ERC1: variants seen among roughly 807,000 people sequenced by gnomAD.
ERC1 encodes the protein RAB6 interacting protein 2.
In ERC1, 56 loss-of-function variants were observed where a neutral mutation model predicts 132.0. The ratio of observed to expected loss-of-function variants is 0.42; its 90% CI spans 0.34 to 0.53. The LOEUF is 0.53. Ranked by LOEUF, ERC1 falls within the 20% of genes least tolerant of loss-of-function variation. ERC1 has a pLI of 0.03. For synonymous variants in ERC1, 478 were observed against 476.1 expected, an observed-to-expected ratio of 1.00 and a Z score of -0.05; for missense variants, 1,202 against 1,349.9, an observed-to-expected ratio of 0.89 and a Z score of 1.72.
At chr12:1,266,380 T>C (rs2077478705) in intron 14 of ERC1, among the ~76,000 whole-genome samples, 1 of 148,894 alleles carries the variant, frequency 6.7e-6, no homozygotes, top group South Asian at 2.1e-4. Flanking sequence ...ATTATTTTTA[T>C]CGTTTCCTGT....
chr12:1,292,055 T>A (rs2079489542), intron 15 of ERC1, among the ~76,000 whole-genome samples: 1 of 152,234 alleles, frequency 6.6e-6, no homozygotes, highest in African/African-American at 2.4e-5. Context: ...TAATAAATTT[T>A]AAGTATCAGT....
intron 14 of ERC1, among the ~76,000 whole-genome samples, chr12:1,287,840 T>G (rs1225094932): frequency 6.6e-6 from 1 of 152,224 alleles, no homozygotes; most frequent in Non-Finnish European, 1.5e-5. Context: ...TAAGTCTTTA[T>G]TTACACATAT....
chr12:1,454,359 A>C (rs1190058909), intron 18 of ERC1, among the ~76,000 whole-genome samples: 1 of 152,192 alleles, frequency 6.6e-6, no homozygotes, highest in Non-Finnish European at 1.5e-5. Context: ...CCCAAGTCCC[A>C]TAAGCCATTC....
At chr12:1,470,280 G>A (rs920218522) in intron 18 of ERC1, among the ~76,000 whole-genome samples, 1 of 152,000 alleles carries the variant, frequency 6.6e-6, no homozygotes, top group Admixed American at 6.6e-5. Flanking sequence ...TGTGGCTGGG[G>A]GGAAACTTCC....
At chr12:1,048,723 A>T (rs956338227) in intron 2 of ERC1, among the ~76,000 whole-genome samples, 1 of 152,204 alleles carries the variant, frequency 6.6e-6, no homozygotes, top group Non-Finnish European at 1.5e-5. Context: ...TACAAAATAG[A>T]TTTTTAAATC....
chr12:1,076,401 T>TC (rs1392397091), intron 2 of ERC1, among the ~76,000 whole-genome samples: 1 of 150,564 alleles, frequency 6.6e-6, no homozygotes, highest in Non-Finnish European at 1.5e-5. Context: ...CTTTTTCTTT[T>TC]TTTTTTTTTT....
At chr12:1,462,343 A>G (rs1054155282) in intron 18 of ERC1, among the ~76,000 whole-genome samples, 2 of 152,240 alleles carry the variant, frequency 1.3e-5, no homozygotes, top group Non-Finnish European at 2.9e-5. Context: ...CTCAAAAGAA[A>G]TGAAAGCATA....
At chr12:1,421,290 A>G (rs975691517) in intron 17 of ERC1, among the ~76,000 whole-genome samples, 2 of 152,350 alleles carry the variant, frequency 1.3e-5, no homozygotes, top group East Asian at 3.9e-4. Flanking sequence ...ACACTGAGAC[A>G]GCAGCATTGC....
Position 1,183,340 on chromosome 12 carries a change from G to T in ERC1, c.2076G>T (p.Lys692Asn). The change falls in exon 11 of 19, where the codon AAG (lysine) becomes AAT (asparagine). Residue 692 changes from lysine to asparagine, a missense_variant. Coordinates refer to ENST00000360905, the MANE Select transcript of ERC1 (RefSeq NM_178040.4). The part of the protein sequence containing the change: ...ASSLASSGLK[K>N]DSRLKTLEIA... The stretch of plus-strand genomic sequence containing the variant: ...CTCTGGCATCCTCAGGACTGAAAAA[G>T]GACTCACGGCTTAAGACACTAGAGA... 6.2e-7 allele frequency: 1 copy of T among 1,601,830 alleles called. No homozygotes were observed.
intron 2 of ERC1, among the ~76,000 whole-genome samples, chr12:1,029,151 G>C (rs555116423): frequency 1.3e-5 from 2 of 152,042 alleles, no homozygotes; most frequent in Non-Finnish European, 2.9e-5. Context: ...TCAGGAGTTC[G>C]AGACCAGCCT....
chr12:1,474,167 G>A (rs750978059), intron 18 of ERC1, among the ~76,000 whole-genome samples: 127 of 152,182 alleles, frequency 8.3e-4, no homozygotes, highest in Non-Finnish European at 1.6e-3. Flanking sequence ...AAAAGGCTCC[G>A]AACATCATGC....
chr12:1,069,736 C>T (rs1939975690), intron 2 of ERC1, among the ~76,000 whole-genome samples: 1 of 152,170 alleles, frequency 6.6e-6, no homozygotes, highest in Admixed American at 6.5e-5. Flanking sequence ...CATAATCAAA[C>T]ATACTAATTT....
chr12:1,282,343 T>G (rs2078737133), intron 14 of ERC1, among the ~76,000 whole-genome samples: 1 of 152,196 alleles, frequency 6.6e-6, no homozygotes, highest in African/African-American at 2.4e-5. Context: ...TAATAATACT[T>G]TATACCCACC....
chr12:1,341,071 T>TC, intron 15 of ERC1, among the ~76,000 whole-genome samples: 4 of 8,646 alleles, frequency 4.6e-4, no homozygotes, highest in Non-Finnish European at 9.8e-4. Flanking sequence ...TTCTTTTTCT[T>TC]TTTTTTTTTT....
At chr12:1,405,203 G>A (rs1002408702) in intron 16 of ERC1, among the ~76,000 whole-genome samples, 6 of 146,292 alleles carry the variant, frequency 4.1e-5, no homozygotes, top group Admixed American at 6.7e-5. Context: ...ATATAAAATT[G>A]GGGGGAACAC....
intron 1 of ERC1, among the ~76,000 whole-genome samples, chr12:1,018,293 C>T (rs1284870532): frequency 6.6e-6 from 1 of 152,150 alleles, no homozygotes; most frequent in Non-Finnish European, 1.5e-5. Flanking sequence ...CTTCCACCTC[C>T]CGGCTTCAAG....
Position 1,371,913 on chromosome 12 carries a change from C to A in ERC1, c.2861C>A (p.Thr954Asn), listed in dbSNP as rs1462911469. 1.2e-6 allele frequency: 2 copies of A among 1,614,084 alleles called. No individual in the cohort carries two copies. Among genetic ancestry groups the A allele is most frequent in the Non-Finnish European group, 1.7e-6 (2 of 1,180,018 alleles). Residue 954 changes from threonine to asparagine, a missense_variant, in exon 16 of 19, where the codon ACC (threonine) becomes AAC (asparagine). Physicochemically the swap from Thr to Asn is moderately conservative, Grantham distance 65 (BLOSUM62 0). Transcript: ENST00000360905. ...LLELSSSKKKTQEEVAALKRE... is the reference protein window; with the variant it reads ...LLELSSSKKKNQEEVAALKRE... ...GAGCTTTCGTCCTCTAAGAAGAAGACCCAAGAGGAAGTGGCTGCCCTGAAG... is the reference window on the plus strand; with the variant it reads ...GAGCTTTCGTCCTCTAAGAAGAAGAACCAAGAGGAAGTGGCTGCCCTGAAG...
intron 14 of ERC1, among the ~76,000 whole-genome samples, chr12:1,277,823 C>CATGATATTG: frequency 6.6e-6 from 1 of 152,304 alleles, no homozygotes; most frequent in East Asian, 1.9e-4. Flanking sequence ...TATTATGGAA[C>CATGATATTG]ATGATATTGA....
intron 1 of ERC1, among the ~76,000 whole-genome samples, chr12:996,853 A>C (rs1415597820): frequency 2.6e-5 from 4 of 152,220 alleles, no homozygotes; most frequent in Admixed American, 6.5e-5. Context: ...GTAATAGGAC[A>C]TTACCTATTC....
Sources: allele counts gnomAD v4.1 joint callset (sites outside exome capture counted in the v4.1 genomes callset), GRCh38; gene constraint gnomAD v4.1.1; transcripts MANE v1.5; gene names NCBI Gene and HGNC (gene_info 2026-07-23, HGNC 2026-07-21).